The following ITFG1 variants were observed in gnomAD, a reference collection of about 807,000 sequenced individuals.
The protein encoded by ITFG1 is T-cell immunomodulatory protein.
Under a neutral mutation model 81.8 loss-of-function variants are expected in ITFG1, and 34 were observed. The ratio of observed to expected loss-of-function variants is 0.42; its 90% CI spans 0.32 to 0.55. The LOEUF (loss-of-function observed/expected upper bound fraction) is 0.55, where lower values mean the gene tolerates loss of function less well. ITFG1 is among the 20% of genes least tolerant of loss of function. ITFG1 has a pLI of 0.17. For missense variants in ITFG1, 672 were observed against 755.4 expected (o/e 0.89, Z 1.29); for synonymous variants, 285 against 270.6 (o/e 1.05, Z -0.52).
At chr16:47,287,654 C>T (rs1041923258) in intron 10 of ITFG1, among the ~76,000 whole-genome samples, 10 of 152,176 alleles carry the variant, frequency 6.6e-5, no homozygotes, top group African/African-American at 2.4e-4. Flanking sequence ...TCCCTCACCT[C>T]AGCCTCCCAA....
intron 10 of ITFG1, among the ~76,000 whole-genome samples, chr16:47,273,274 A>G (rs1273814363): frequency 1.3e-5 from 2 of 152,106 alleles, no homozygotes; most frequent in African/African-American, 4.8e-5. Flanking sequence ...AAACCTTAGG[A>G]AAGCCAGTTC....
intron 8 of ITFG1, among the ~76,000 whole-genome samples, chr16:47,349,080 C>A (rs1358157660): frequency 4.6e-5 from 7 of 152,144 alleles, no homozygotes; most frequent in Admixed American, 2.0e-4. Context: ...TGGAAAGGAA[C>A]AACCGGTACC....
chr16:47,320,981 G>C (rs1028507067), intron 8 of ITFG1, among the ~76,000 whole-genome samples: 1 of 152,108 alleles, frequency 6.6e-6, no homozygotes, highest in Non-Finnish European at 1.5e-5. Context: ...ATTGTAAATG[G>C]AATGGCTAAA....
chr16:47,427,464 C>T (rs1969037434), intron 6 of ITFG1, among the ~76,000 whole-genome samples: 1 of 152,060 alleles, frequency 6.6e-6, no homozygotes, highest in African/African-American at 2.4e-5. Context: ...CGAGACCAGC[C>T]TGGCCAACAT....
chr16:47,452,087 A>T (rs1165801559), intron 4 of ITFG1, among the ~76,000 whole-genome samples: 1 of 152,192 alleles, frequency 6.6e-6, no homozygotes, highest in African/African-American at 2.4e-5. Context: ...GGGCACCGTT[A>T]AGAAGATTAA....
intron 8 of ITFG1, among the ~76,000 whole-genome samples, chr16:47,317,340 A>G (rs897066657): frequency 6.6e-6 from 1 of 152,206 alleles, no homozygotes; most frequent in Admixed American, 6.6e-5. Context: ...ATGAATTTTT[A>G]TATATAATTT....
Position 47,454,007 on chromosome 16 carries a change from A to G in ITFG1, c.427+6T>C, listed in dbSNP as rs904366496. 6.4e-7 allele frequency: 1 copy of G among 1,569,954 alleles called. No individual in the cohort carries two copies. The highest frequency in any genetic ancestry group is 1.4e-5 in the African/African-American group (1 of 72,726). ...TAAATATTAAAAATTTTTAAAACAA[A>G]TTCACCTAATGTTTGATTTTGTCCC... On this transcript the variant is annotated splice_donor_region_variant and intron_variant, in intron 3 of 17. Transcript: ENST00000320640.
rs140702795 is a variant in ITFG1, at chr16:47,402,032, G to A, written c.656-26092C>T. ...TTCTCGTTTATTTTCTCATCCCCAA[G>A]GGGCTGCAAACTCCACAGGGCAGAG... On this transcript the variant is annotated intron_variant, in intron 6 of 17. Transcript: ENST00000320640. 7.1e-3 allele frequency among the ~76,000 whole-genome samples: 1,076 copies of A among 152,194 alleles called. 17 individuals are homozygous for A. Among genetic ancestry groups the A allele is most frequent in the African/African-American group, 0.025 (1,031 of 41,510 alleles).
At chr16:47,171,914 G>A (rs368032130) in intron 14 of ITFG1, among the ~76,000 whole-genome samples, 4 of 152,120 alleles carry the variant, frequency 2.6e-5, no homozygotes, top group African/African-American at 7.2e-5. Flanking sequence ...TATTTGCACA[G>A]AATTTGGTTA....
chr16:47,164,891 G>A (rs1964868661), intron 14 of ITFG1, among the ~76,000 whole-genome samples: 1 of 152,242 alleles, frequency 6.6e-6, no homozygotes, highest in Non-Finnish European at 1.5e-5. Context: ...GAGAAGGGGG[G>A]CAGGATGGGA....
rs557030409 is a variant in ITFG1 at position 47,382,597 on chromosome 16, T to G, written c.656-6657A>C. On this transcript the variant is annotated intron_variant, in intron 6 of 17. Transcript: ENST00000320640. The stretch of plus-strand genomic sequence containing the variant: ...AGGCTGAAATCACTAATGGTAACAA[T>G]GAACACATTCCTACCCTGTCTTCCG... Among the ~76,000 whole-genome samples, 85 of 132,286 alleles carry G rather than the reference T, an allele frequency of 6.4e-4. 2 individuals are homozygous for G. In the South Asian group the frequency reaches 0.015, roughly 23 times the overall value. 86.8% of individuals were successfully genotyped at this position (132,286 alleles called of 152,430 possible).
At chr16:47,394,164 A>G (rs1265589250) in intron 6 of ITFG1, among the ~76,000 whole-genome samples, 1 of 152,228 alleles carries the variant, frequency 6.6e-6, no homozygotes, top group Non-Finnish European at 1.5e-5. Context: ...ATGTTCACAA[A>G]AGATTCACTG....
chr16:47,212,012 C>T (rs995309545), intron 14 of ITFG1, among the ~76,000 whole-genome samples: 4 of 151,694 alleles, frequency 2.6e-5, no homozygotes, highest in Non-Finnish European at 5.9e-5. Context: ...TCTCCCACAT[C>T]GGCCTCCCAA....
At chr16:47,455,585 A>G (rs1969441222) in intron 2 of ITFG1, among the ~76,000 whole-genome samples, 1 of 152,012 alleles carries the variant, frequency 6.6e-6, no homozygotes, top group South Asian at 2.1e-4. Context: ...CCTGGCCAAC[A>G]TTGCAAAACC....
At chr16:47,384,848 T>G (rs957617477) in intron 6 of ITFG1, among the ~76,000 whole-genome samples, 2 of 152,040 alleles carry the variant, frequency 1.3e-5, no homozygotes, top group Admixed American at 6.6e-5. Context: ...GAGGTCAAGG[T>G]GGGGAGATCA....
chr16:47,297,170 A>G (rs1966995409), intron 10 of ITFG1, among the ~76,000 whole-genome samples: 1 of 152,160 alleles, frequency 6.6e-6, no homozygotes, highest in South Asian at 2.1e-4. Context: ...TCTCATTATA[A>G]AATGACATTC....
chr16:47,328,969 G>T (rs564923269), intron 8 of ITFG1, among the ~76,000 whole-genome samples: 1 of 152,098 alleles, frequency 6.6e-6, no homozygotes, highest in African/African-American at 2.4e-5. Context: ...TCGTCAGTAC[G>T]ATCCTGCATT....
chr16:47,322,701 A>G (rs1007461961), intron 8 of ITFG1, among the ~76,000 whole-genome samples: 8 of 152,180 alleles, frequency 5.3e-5, no homozygotes, highest in Non-Finnish European at 1.2e-4. Context: ...CACACACACA[A>G]AAGAAATACG....
chr16:47,441,229 C>T (rs1188560531), intron 5 of ITFG1, among the ~76,000 whole-genome samples: 2 of 152,200 alleles, frequency 1.3e-5, no homozygotes, highest in Non-Finnish European at 2.9e-5. Context: ...GATGGATTCA[C>T]AGCCAAATTC....
Sources: allele counts gnomAD v4.1 joint callset (sites outside exome capture counted in the v4.1 genomes callset), GRCh38; gene constraint gnomAD v4.1.1; transcripts MANE v1.5; gene names NCBI Gene and HGNC (gene_info 2026-07-23, HGNC 2026-07-21).